Variants in PEAK1 observed in about 807,000 individuals in gnomAD.
The protein encoded by PEAK1 is pseudopodium enriched atypical kinase 1, also known as inactive tyrosine-protein kinase PEAK1.
In PEAK1, 54 loss-of-function variants were observed where a neutral mutation model predicts 124.7. The observed-to-expected ratio is 0.43, with a 90% CI of 0.35 to 0.54. The LOEUF (loss-of-function observed/expected upper bound fraction) is 0.54. PEAK1 is among the 20% of genes least tolerant of loss of function. The pLI, the probability that PEAK1 is intolerant of heterozygous loss-of-function variation, is 0.01. For missense variants in PEAK1, 2,046 were observed against 2,134.5 expected, an observed-to-expected ratio of 0.96 and a Z score of 0.82; for synonymous variants, 719 against 760.0, an observed-to-expected ratio of 0.95 and a Z score of 0.89.
At chr15:77,161,947 C>T (rs1325064002) in intron 7 of PEAK1, among the ~76,000 whole-genome samples, 1 of 109,026 alleles carries the variant, frequency 9.2e-6, no homozygotes, top group Admixed American at 1.3e-4. Context: ...GCCTGGGTGA[C>T]AGAGTGAGAC....
intron 8 of PEAK1, chr15:77,155,550 G>A (rs2055050119): frequency 1.3e-5 from 2 of 152,364 alleles, no homozygotes; most frequent in African/African-American, 4.8e-5. Context: ...CTTTGGAGGA[G>A]GAGAGTGCTC....
rs537349246 is a variant in PEAK1 at position 77,325,274 on chromosome 15, G to A, written c.-602-38770C>T. Among the ~76,000 whole-genome samples, 4 of 152,162 alleles carry A rather than the reference G, an allele frequency of 2.6e-5. No homozygotes were observed. The South Asian group carries it at 6.2e-4, about 24-fold the overall frequency. On this transcript the variant is annotated intron_variant, in intron 2 of 9. Coordinates refer to ENST00000682557, the MANE Select transcript of PEAK1 (RefSeq NM_001385026.1). ...TATAAAAATAAATTAGCCAGGTGTG[G>A]TGGCACACACCTGTATTCCCAGCTA...
chr15:77,388,966 T>A (rs552754469), intron 1 of PEAK1, among the ~76,000 whole-genome samples: 54 of 150,510 alleles, frequency 3.6e-4, no homozygotes, highest in Non-Finnish European at 6.4e-4. Flanking sequence ...GCTTATTTTT[T>A]TTTTTTTTTT....
intron 2 of PEAK1, 124 bp from the exon 3 acceptor site, chr15:77,286,628 A>G (rs2062944139): frequency 2.2e-6 from 1 of 454,310 alleles, no homozygotes; most frequent in Admixed American, 4.4e-5. Context: ...TATTTGATGA[A>G]CTTATTTTTA....
chr15:77,295,892 C>A (rs1377597541), intron 2 of PEAK1, among the ~76,000 whole-genome samples: 1 of 152,084 alleles, frequency 6.6e-6, no homozygotes, highest in Non-Finnish European at 1.5e-5. Flanking sequence ...GCTAAAGCTT[C>A]AACAGTGAAT....
intron 5 of PEAK1, among the ~76,000 whole-genome samples, chr15:77,259,249 A>G (rs1261619698): frequency 6.6e-6 from 1 of 152,172 alleles, no homozygotes; most frequent in Non-Finnish European, 1.5e-5. Flanking sequence ...CAAATGGTTT[A>G]TTTTAGTCCT....
At position 77,134,761 on chromosome 15, in the gene PEAK1, G is replaced by T. The variant is rs145041537; in HGVS notation, c.3332-1011C>A. 7.6e-3 allele frequency among the ~76,000 whole-genome samples: 1,153 copies of T among 152,176 alleles called. 16 individuals are homozygous for T. The highest frequency in any genetic ancestry group is 0.026 in the African/African-American group (1,097 of 41,502). ...CTACTCAAGATCTCAGAGTTATAAG[G>T]CTCTGTTATGGGTTGAATTATATCC... On this transcript the variant is annotated intron_variant, in intron 8 of 9. Transcript: ENST00000682557.
intron 8 of PEAK1, among the ~76,000 whole-genome samples, chr15:77,148,779 T>C (rs2054356268): frequency 6.6e-6 from 1 of 151,312 alleles, no homozygotes; most frequent in South Asian, 2.1e-4. Flanking sequence ...AAAAATTAGC[T>C]GATCATGTGG....
chr15:77,359,006 T>C (rs1328781112), intron 2 of PEAK1, among the ~76,000 whole-genome samples: 2 of 152,220 alleles, frequency 1.3e-5, no homozygotes, highest in Non-Finnish European at 2.9e-5. Flanking sequence ...CGTTATCTCA[T>C]ATACTTTCTG....
rs1243322648 is a variant in PEAK1 at position 77,338,151 on chromosome 15, A to G, written c.-603+27012T>C. On this transcript the variant is annotated intron_variant, in intron 2 of 9. Transcript: ENST00000682557. ...AGTGACAGATTAGCATGGACAATTA[A>G]TACAGCAGACAATGGGAGTAGCCTT... 3 of 966,044 alleles carry G rather than the reference A, an allele frequency of 3.1e-6. No homozygotes were observed. The African/African-American group carries it at 5.3e-5, about 17-fold the overall frequency. 59.8% of individuals were successfully genotyped at this position (966,044 alleles called of 1,614,324 possible).
chr15:77,311,804 G>T (rs1385242312), intron 2 of PEAK1, among the ~76,000 whole-genome samples: 1 of 151,900 alleles, frequency 6.6e-6, no homozygotes, highest in Non-Finnish European at 1.5e-5. Context: ...GTGCCATAAG[G>T]TGGAGCTGGA....
chr15:77,120,214 C>T (rs1391816976), intron 9 of PEAK1, among the ~76,000 whole-genome samples: 1 of 152,166 alleles, frequency 6.6e-6, no homozygotes, highest in Non-Finnish European at 1.5e-5. Flanking sequence ...CATTGACAAA[C>T]TCTCTTCCGC....
chr15:77,366,341 T>G (rs190655682), intron 1 of PEAK1, among the ~76,000 whole-genome samples: 1 of 152,298 alleles, frequency 6.6e-6, no homozygotes. Context: ...ACAACCCTGC[T>G]GACATGTATT....
chr15:77,211,081 T>G (rs1489188039), intron 6 of PEAK1, among the ~76,000 whole-genome samples: 2 of 152,122 alleles, frequency 1.3e-5, no homozygotes, highest in African/African-American at 4.8e-5. Flanking sequence ...GTAAAGAAAG[T>G]TTTATTAAAA....
At chr15:77,220,963 T>C (rs1254763231) in intron 6 of PEAK1, among the ~76,000 whole-genome samples, 1 of 151,994 alleles carries the variant, frequency 6.6e-6, no homozygotes, top group African/African-American at 2.4e-5. Context: ...ATAAACTTAA[T>C]AAAAAAGATT....
At chr15:77,363,436 CACTTTCCTCCACTCTGACTCAGT>C (rs1436158295) in intron 2 of PEAK1, among the ~76,000 whole-genome samples, 4 of 152,138 alleles carry the variant, frequency 2.6e-5, no homozygotes, top group African/African-American at 7.2e-5. Context: ...ACACTAAAAA[CACTTTCCTCCACTCTGACTCAGT>C]ACCTTCCTCC....
At chr15:77,143,472 C>T (rs2053946728) in intron 8 of PEAK1, among the ~76,000 whole-genome samples, 1 of 152,194 alleles carries the variant, frequency 6.6e-6, no homozygotes, top group African/African-American at 2.4e-5. Context: ...TAAAGATCGT[C>T]TTCAAGCAAA....
intron 9 of PEAK1, among the ~76,000 whole-genome samples, chr15:77,126,947 T>C (rs1452705414): frequency 1.3e-5 from 2 of 152,240 alleles, no homozygotes; most frequent in African/African-American, 4.8e-5. Flanking sequence ...ACACCTGCTA[T>C]GGACAGAATT....
chr15:77,309,118 C>T (rs1194926538), intron 2 of PEAK1, among the ~76,000 whole-genome samples: 2 of 152,008 alleles, frequency 1.3e-5, no homozygotes, highest in Non-Finnish European at 2.9e-5. Flanking sequence ...GATATTAATA[C>T]TTTAGCACCT....
Sources: allele counts gnomAD v4.1 joint callset (sites outside exome capture counted in the v4.1 genomes callset), GRCh38; gene constraint gnomAD v4.1.1; transcripts MANE v1.5; gene names NCBI Gene and HGNC (gene_info 2026-07-23, HGNC 2026-07-21).